Variants in SLC35F3 observed in about 807,000 individuals in gnomAD.
The protein encoded by SLC35F3 is solute carrier family 35 member F3.
In SLC35F3, 25 loss-of-function variants were observed where a neutral mutation model predicts 49.9. The ratio of observed to expected loss-of-function variants is 0.50; its 90% CI spans 0.37 to 0.70. The LOEUF is 0.70. Among genes scored for constraint, SLC35F3 ranks in the 30% least tolerant of loss-of-function variants. The pLI is 0.00. For synonymous variants in SLC35F3, 275 were observed against 265.4 expected (o/e 1.04, Z -0.35); for missense variants, 525 against 639.8 (o/e 0.82, Z 1.94).
At chr1:233,988,875 T>C (rs1663310858) in intron 2 of SLC35F3, among the ~76,000 whole-genome samples, 1 of 152,160 alleles carries the variant, frequency 6.6e-6, no homozygotes, top group African/African-American at 2.4e-5. Context: ...GCCCATTTGA[T>C]TGTCAAAGCA....
intron 2 of SLC35F3, among the ~76,000 whole-genome samples, chr1:234,194,874 C>CA (rs144883279): frequency 0.052 from 7,917 of 152,260 alleles, 667 homozygotes; most frequent in African/African-American, 0.18. Flanking sequence ...TGTTAGCCCA[C>CA]ACTGCACCCA....
chr1:234,232,545 A>G (rs1364412084), intron 3 of SLC35F3, among the ~76,000 whole-genome samples: 2 of 150,574 alleles, frequency 1.3e-5, no homozygotes, highest in African/African-American at 2.5e-5. Flanking sequence ...AAAAAAGAAA[A>G]AGAAAAAAAG....
intron 2 of SLC35F3, among the ~76,000 whole-genome samples, chr1:233,937,027 A>G (rs1420590440): frequency 6.6e-6 from 1 of 152,146 alleles, no homozygotes; most frequent in Non-Finnish European, 1.5e-5. Flanking sequence ...ATTTTGTGAT[A>G]ACAAGACTTG....
chr1:233,962,559 A>G (rs1662821613), intron 2 of SLC35F3, among the ~76,000 whole-genome samples: 1 of 152,250 alleles, frequency 6.6e-6, no homozygotes, highest in Non-Finnish European at 1.5e-5. Flanking sequence ...AATAAAATGA[A>G]TCAAGGTCTT....
chr1:234,037,464 A>G (rs929510729), intron 2 of SLC35F3, among the ~76,000 whole-genome samples: 2 of 152,238 alleles, frequency 1.3e-5, no homozygotes, highest in Non-Finnish European at 2.9e-5. Context: ...GAGAGGACAA[A>G]TATGCAAACT....
At chr1:234,256,885 T>C (rs1667828748) in intron 3 of SLC35F3, among the ~76,000 whole-genome samples, 1 of 152,272 alleles carries the variant, frequency 6.6e-6, no homozygotes, top group South Asian at 2.1e-4. Flanking sequence ...CCCAGCTTCC[T>C]GGCCAGAGGC....
intron 4 of SLC35F3, among the ~76,000 whole-genome samples, chr1:234,314,488 C>T (rs539822015): frequency 1.1e-3 from 169 of 152,342 alleles, no homozygotes; most frequent in African/African-American, 3.8e-3. Flanking sequence ...AGGCCGGGCA[C>T]AGTGGCTCAT....
intron 2 of SLC35F3, among the ~76,000 whole-genome samples, chr1:234,010,024 A>G (rs1435343526): frequency 6.6e-6 from 1 of 152,224 alleles, no homozygotes; most frequent in Non-Finnish European, 1.5e-5. Flanking sequence ...AACATAAAAC[A>G]TACAAAAATA....
intron 2 of SLC35F3, among the ~76,000 whole-genome samples, chr1:234,084,436 G>A (rs1426976400): frequency 6.6e-6 from 1 of 152,112 alleles, no homozygotes; most frequent in East Asian, 1.9e-4. Flanking sequence ...TCTGCACAGT[G>A]AAAAACAACA....
chr1:234,075,837 T>C (rs1277339666), intron 2 of SLC35F3, among the ~76,000 whole-genome samples: 1 of 152,234 alleles, frequency 6.6e-6, no homozygotes, highest in Admixed American at 6.5e-5. Flanking sequence ...TGTGTTCACC[T>C]TATCTTACAT....
chr1:234,180,936 A>G (rs192287636), intron 2 of SLC35F3, among the ~76,000 whole-genome samples: 233 of 152,282 alleles, frequency 1.5e-3, no homozygotes, highest in African/African-American at 5.3e-3. Context: ...CTCAAGACCA[A>G]TCTCATTTCA....
At chr1:234,086,561 A>G (rs777800821) in intron 2 of SLC35F3, among the ~76,000 whole-genome samples, 10 of 152,244 alleles carry the variant, frequency 6.6e-5, no homozygotes, top group Non-Finnish European at 1.0e-4. Context: ...TGTGCATTCA[A>G]TCCTACAAAA....
At chr1:234,079,243 G>T (rs2102871850) in intron 2 of SLC35F3, among the ~76,000 whole-genome samples, 1 of 152,306 alleles carries the variant, frequency 6.6e-6, no homozygotes, top group South Asian at 2.1e-4. Context: ...GTCAACAAAT[G>T]GTGCTGGGAC....
At chr1:234,061,493 T>A (rs1664538802) in intron 2 of SLC35F3, among the ~76,000 whole-genome samples, 1 of 113,362 alleles carries the variant, frequency 8.8e-6, no homozygotes, top group Admixed American at 8.3e-5. Flanking sequence ...TAGATCACTG[T>A]TTTTTACAAA....
At chr1:234,151,778 G>A (rs1363020871) in intron 2 of SLC35F3, among the ~76,000 whole-genome samples, 3 of 152,030 alleles carry the variant, frequency 2.0e-5, no homozygotes, top group Non-Finnish European at 2.9e-5. Flanking sequence ...CAAACATACA[G>A]CTCATAGTAG....
At chr1:233,946,585 A>G (rs977063835) in intron 2 of SLC35F3, among the ~76,000 whole-genome samples, 6 of 151,680 alleles carry the variant, frequency 4.0e-5, no homozygotes, top group African/African-American at 1.5e-4. Context: ...AATTTTTTGG[A>G]TGAACTTTTA....
At chr1:234,225,939 A>G (rs916888104) in intron 2 of SLC35F3, among the ~76,000 whole-genome samples, 2 of 152,234 alleles carry the variant, frequency 1.3e-5, no homozygotes, top group Non-Finnish European at 2.9e-5. Flanking sequence ...GAAAGTCTGT[A>G]TATGTATATG....
At chr1:234,199,023 A>G (rs897490511) in intron 2 of SLC35F3, among the ~76,000 whole-genome samples, 9 of 150,864 alleles carry the variant, frequency 6.0e-5, no homozygotes, top group African/African-American at 2.2e-4. Flanking sequence ...GTTCAAGCCT[A>G]GCTTGGGCAA....
intron 3 of SLC35F3, among the ~76,000 whole-genome samples, chr1:234,245,122 C>A (rs1237151856): frequency 6.6e-6 from 1 of 152,144 alleles, no homozygotes; most frequent in Non-Finnish European, 1.5e-5. Flanking sequence ...TACCCTCTAC[C>A]ACCACCTACC....
Sources: allele counts gnomAD v4.1 joint callset (sites outside exome capture counted in the v4.1 genomes callset), GRCh38; gene constraint gnomAD v4.1.1; transcripts MANE v1.5; gene names NCBI Gene and HGNC (gene_info 2026-07-23, HGNC 2026-07-21).